The following CFAP74 variants were observed in gnomAD, a reference collection of about 807,000 sequenced individuals.
The protein encoded by CFAP74 is cilia- and flagella-associated protein 74.
In CFAP74, 124 loss-of-function variants were observed where a neutral mutation model predicts 188.9. The observed-to-expected ratio is 0.66, with a 90% CI of 0.57 to 0.76. CFAP74 has a LOEUF of 0.76. Ranked by LOEUF, CFAP74 falls within the 30% of genes least tolerant of loss-of-function variation. The probability of loss-of-function intolerance (pLI) is 0.00; values close to 1 mark genes in which losing one functional copy is unlikely to be tolerated. For missense variants in CFAP74, 2,198 were observed against 2,165.2 expected, an observed-to-expected ratio of 1.02 and a Z score of -0.30; for synonymous variants, 956 against 916.7, an observed-to-expected ratio of 1.04 and a Z score of -0.77.
chr1:1,930,380 C>T (rs1231684880), intron 25 of CFAP74, 44 bp from the exon 26 acceptor site: 19 of 1,474,004 alleles, frequency 1.3e-5, no homozygotes, highest in South Asian at 2.7e-5. Context: ...GCAGGGCGTC[C>T]GTGTCCCTCT....
rs201678150 is a variant in CFAP74 at position 1,922,584 on chromosome 1, C to T, written c.4818+5G>A. On this transcript the variant is annotated splice_donor_5th_base_variant and intron_variant, in intron 38 of 38. Transcript: ENST00000682832. ...CTCCCTGGCCTGGAGCCCAAAGGCA[C>T]CTACATCAAAGTCCGCAGGTGGCAC... 1 of 1,608,866 alleles carries T rather than the reference C, an allele frequency of 6.2e-7. No homozygotes were observed. Among genetic ancestry groups the T allele is most frequent in the Non-Finnish European group, 8.5e-7 (1 of 1,178,212 alleles).
In CFAP74 at chr1:1,938,899, G is replaced by C; in HGVS notation, c.2967C>G (p.Ala989=). ...AGGTCAGTTGGAATCTGTGTTCCTC[G>C]GCCTTGGTGGGCTGGAAGATCACAC... ...QFCVIFQPTK[A]EEHRFQLTCK... Residue 989 remains alanine (A), a synonymous_variant, in exon 25 of 39, where the codon GCC becomes GCG. Transcript: ENST00000682832. 4 of 1,536,178 alleles carry C rather than the reference G, an allele frequency of 2.6e-6. No homozygotes were observed. Among genetic ancestry groups the C allele is most frequent in the Non-Finnish European group, 3.5e-6 (4 of 1,146,912 alleles).
intron 25 of CFAP74, among the ~76,000 whole-genome samples, chr1:1,934,343 T>A (rs975881900): frequency 1.4e-5 from 2 of 144,648 alleles, no homozygotes; most frequent in African/African-American, 2.5e-5. Context: ...GGTACACAGG[T>A]GTATACGTGG....
chr1:1,964,691 G>A (rs1463957446), intron 13 of CFAP74, among the ~76,000 whole-genome samples, 197 bp downstream of exon 13: 2 of 152,258 alleles, frequency 1.3e-5, no homozygotes, highest in East Asian at 3.9e-4. Context: ...TCGGGAGGCT[G>A]AGGCAGGAGA....
chr1:1,922,189 G>A lies in CFAP74; in HGVS notation c.*98C>T. The A allele has an allele frequency of 3.4e-6, 3 of 876,766 alleles. No homozygotes were observed. Among genetic ancestry groups the A allele is most frequent in the Non-Finnish European group, 5.5e-6 (3 of 549,572 alleles). 54.3% of individuals were successfully genotyped at this position (876,766 alleles called of 1,614,324 possible). On this transcript the variant is annotated 3_prime_UTR_variant, in exon 39 of 39. Transcript: ENST00000682832. ...GGCCTATTGGAATCTGGCAGAGGAT[G>A]GCCAGGTCCCAGGCTCTAGGGTAGT...
At position 1,946,943 on chromosome 1, in the gene CFAP74, C is replaced by T. The variant is rs575156537; in HGVS notation, c.2241+47G>A. 2.6e-5 allele frequency: 36 copies of T among 1,408,876 alleles called. No individual in the cohort carries two copies. The South Asian group carries it at 3.4e-4, about 13-fold the overall frequency. 87.3% of individuals were successfully genotyped at this position (1,408,876 alleles called of 1,614,324 possible). The stretch of plus-strand genomic sequence containing the variant: ...GCAGCTGGGGCTGGGGGAAGGTGGG[C>T]GGTGTCTTGGATCGTGGCAGCTATT... On this transcript the variant is annotated intron_variant, in intron 19 of 38. Transcript: ENST00000682832.
chr1:1,948,526 T>C (rs928988129), intron 18 of CFAP74, among the ~76,000 whole-genome samples: 1 of 151,100 alleles, frequency 6.6e-6, no homozygotes, highest in Non-Finnish European at 1.5e-5. Flanking sequence ...CTCTAAAGTA[T>C]TGGGATTATA....
At chr1:1,959,281 G>T in intron 15 of CFAP74, 72 bp from the exon 16 acceptor site, 1 of 1,100,070 alleles carries the variant, frequency 9.1e-7, no homozygotes, top group Non-Finnish European at 1.4e-6. Flanking sequence ...TTTTTGGACA[G>T]GGTCTGGCTC....
intron 18 of CFAP74, among the ~76,000 whole-genome samples, chr1:1,948,930 TCTTTCCTCCC>T (rs1653988361): frequency 1.5e-4 from 2 of 13,684 alleles, no homozygotes; most frequent in Non-Finnish European, 1.9e-4. Flanking sequence ...CCTTCCTTCC[TCTTTCCTCCC>T]TTCCTTTCCC....
intron 22 of CFAP74, among the ~76,000 whole-genome samples, chr1:1,941,147 G>A (rs1477576855): frequency 1.3e-5 from 2 of 152,136 alleles, no homozygotes; most frequent in Non-Finnish European, 2.9e-5. Context: ...AATATCAGGA[G>A]AAGTAAAATA....
At chr1:1,937,447 C>G (rs2102042369) in intron 25 of CFAP74, among the ~76,000 whole-genome samples, 1 of 152,172 alleles carries the variant, frequency 6.6e-6, no homozygotes, top group African/African-American at 2.4e-5. Flanking sequence ...GCCCCAGTGG[C>G]CCAGGTCAGT....
At chr1:1,962,379 G>A (rs1241850001) in intron 14 of CFAP74, among the ~76,000 whole-genome samples, 3 of 151,566 alleles carry the variant, frequency 2.0e-5, no homozygotes, top group South Asian at 4.2e-4. Context: ...AGGAGGCTGA[G>A]GCAGAAGAAT....
rs1220600229 is a variant in CFAP74, at chr1:1,923,519, T to C, written c.4390-20A>G. 6.3e-7 allele frequency: 1 copy of C among 1,599,048 alleles called. No individual in the cohort carries two copies. Among genetic ancestry groups the C allele is most frequent in the Non-Finnish European group, 8.6e-7 (1 of 1,169,456 alleles). ...GATTTTCTGGGGACAAGAAGTGGAG[T>C]GGCCTTGTCCCCGAAGCTCGGCGGC... On this transcript the variant is annotated intron_variant, in intron 35 of 38. Transcript: ENST00000682832. The surrounding 1 kb of genome is among the most constrained non-coding windows in gnomAD (Gnocchi z 6.3).
intron 1 of CFAP74, among the ~76,000 whole-genome samples, chr1:2,002,409 G>A (rs1658250164): frequency 6.6e-6 from 1 of 151,254 alleles, no homozygotes; most frequent in Non-Finnish European, 1.5e-5. Flanking sequence ...GCTGGGTGTG[G>A]TGGCTCACCG....
At chr1:1,927,250 G>GT in intron 28 of CFAP74, 2 of 610,112 alleles carry the variant, frequency 3.3e-6, no homozygotes, top group Non-Finnish European at 5.7e-6. Flanking sequence ...GAGGCTAGGG[G>GT]TTGGGGCAGG....
At chr1:1,970,620 G>A (rs781370114) in intron 10 of CFAP74, 39 bp downstream of exon 10, 8 of 1,571,128 alleles carry the variant, frequency 5.1e-6, no homozygotes, top group Non-Finnish European at 6.0e-6. Flanking sequence ...CACTGACTGG[G>A]CGGGTGCCTC....
intron 3 of CFAP74, 40 bp downstream of exon 3, chr1:1,988,849 C>G (rs1458976141): frequency 4.8e-6 from 2 of 417,584 alleles, no homozygotes; most frequent in Admixed American, 3.7e-5. Flanking sequence ...CCCACCCCCA[C>G]CCCCCCACAC....
intron 18 of CFAP74, among the ~76,000 whole-genome samples, chr1:1,950,811 C>T (rs138731547): frequency 9.2e-5 from 14 of 152,204 alleles, no homozygotes; most frequent in East Asian, 3.9e-4. Flanking sequence ...TTGGTTTTGG[C>T]GAAGTCCAGT....
chr1:1,957,959 G>A (rs935185614), intron 16 of CFAP74, among the ~76,000 whole-genome samples: 1 of 152,222 alleles, frequency 6.6e-6, no homozygotes, highest in Non-Finnish European at 1.5e-5. Flanking sequence ...GAACCCAAGC[G>A]GGGCCACTTG....
Sources: allele counts gnomAD v4.1 joint callset (sites outside exome capture counted in the v4.1 genomes callset), GRCh38; gene constraint gnomAD v4.1.1; non-coding constraint Gnocchi (gnomAD v3.1); transcripts MANE v1.5; gene names NCBI Gene and HGNC (gene_info 2026-07-23, HGNC 2026-07-21).